Variants in CLVS1 observed in about 807,000 individuals in gnomAD.
CLVS1 encodes the protein clavesin 1, also known as clavesin-1.
CLVS1 carries 10 observed loss-of-function variants against 33.1 expected under a neutral mutation model. The ratio of observed to expected loss-of-function variants is 0.30; its 90% CI spans 0.19 to 0.51. The LOEUF is 0.51. CLVS1 is among the 20% of genes least tolerant of loss of function. CLVS1 has a pLI of 0.97. For missense variants in CLVS1, 343 were observed against 433.4 expected, an observed-to-expected ratio of 0.79 and a Z score of 1.85; for synonymous variants, 163 against 166.1, an observed-to-expected ratio of 0.98 and a Z score of 0.14.
chr8:61,030,310 G>C, the CLVS1 span, among the ~76,000 whole-genome samples: 7 of 151,724 alleles, frequency 4.6e-5, no homozygotes, highest in Non-Finnish European at 5.9e-5. Flanking sequence ...GCAGCGGGGT[G>C]GGGGGGCGCA....
chr8:61,345,312 T>G (rs1812172422), intron 2 of CLVS1, among the ~76,000 whole-genome samples: 1 of 152,188 alleles, frequency 6.6e-6, no homozygotes, highest in Non-Finnish European at 1.5e-5. Flanking sequence ...TTATGAAAAC[T>G]CCTTATAAAA....
intron 2 of CLVS1, among the ~76,000 whole-genome samples, chr8:61,137,016 C>A (rs2129292269): frequency 6.6e-6 from 1 of 152,284 alleles, no homozygotes; most frequent in East Asian, 1.9e-4. Context: ...TCTTCAAGTA[C>A]AATGGGGTGT....
chr8:61,136,057 C>T (rs2129292056), intron 2 of CLVS1, among the ~76,000 whole-genome samples: 1 of 152,354 alleles, frequency 6.6e-6, no homozygotes, highest in East Asian at 1.9e-4. Context: ...TTTCTCCAGA[C>T]TTCCTGGATG....
intron 2 of CLVS1, among the ~76,000 whole-genome samples, chr8:61,189,164 C>G (rs1235241038): frequency 6.6e-6 from 1 of 152,166 alleles, no homozygotes; most frequent in African/African-American, 2.4e-5. Flanking sequence ...ATCAGACTAA[C>G]AGTGGATCAC....
chr8:61,039,365 T>C, the CLVS1 span, among the ~76,000 whole-genome samples: 1 of 152,212 alleles, frequency 6.6e-6, no homozygotes, highest in Non-Finnish European at 1.5e-5. Context: ...GCCCCGCAAT[T>C]TGAAACACAC....
chr8:61,191,209 G>A (rs1479239647), intron 2 of CLVS1, among the ~76,000 whole-genome samples: 1 of 152,232 alleles, frequency 6.6e-6, no homozygotes, highest in South Asian at 2.1e-4. Flanking sequence ...TGGGATGCAA[G>A]GCTGGTTCAA....
intron 3 of CLVS1, among the ~76,000 whole-genome samples, chr8:61,416,305 G>GATACATACATAC (rs61146034): frequency 9.3e-6 from 1 of 107,206 alleles, no homozygotes; most frequent in Non-Finnish European, 1.9e-5. Context: ...TAGCTAGCTA[G>GATACATACATAC]ATACATACAT....
chr8:61,345,538 C>T (rs1431787376), intron 2 of CLVS1, among the ~76,000 whole-genome samples: 1 of 152,014 alleles, frequency 6.6e-6, no homozygotes, highest in Non-Finnish European at 1.5e-5. Flanking sequence ...GAGAAAGAAA[C>T]TCCTAATTAC....
At chr8:61,161,438 A>T (rs1487559024) in intron 2 of CLVS1, among the ~76,000 whole-genome samples, 1 of 152,236 alleles carries the variant, frequency 6.6e-6, no homozygotes, top group African/African-American at 2.4e-5. Flanking sequence ...GGATGAATGT[A>T]TGAGGCAAAT....
At chr8:61,382,566 C>T (rs1296002690) in intron 3 of CLVS1, among the ~76,000 whole-genome samples, 3 of 152,150 alleles carry the variant, frequency 2.0e-5, no homozygotes, top group Non-Finnish European at 4.4e-5. Flanking sequence ...GATTTGCATG[C>T]ATATTAAAGT....
chr8:60,986,649 G>A, the CLVS1 span, among the ~76,000 whole-genome samples: 1 of 152,202 alleles, frequency 6.6e-6, no homozygotes, highest in African/African-American at 2.4e-5. Flanking sequence ...ACTACCTGAA[G>A]CGTTCCAAAT....
intron 2 of CLVS1, among the ~76,000 whole-genome samples, chr8:61,170,812 A>C (rs1256163385): frequency 1.3e-5 from 2 of 152,228 alleles, no homozygotes; most frequent in Non-Finnish European, 2.9e-5. Context: ...TAAAGAATAG[A>C]GTTCTTTCTA....
intron 1 of CLVS1, among the ~76,000 whole-genome samples, chr8:61,067,216 G>A (rs111625767): frequency 0.04 from 5,628 of 141,332 alleles, 107 homozygotes; most frequent in South Asian, 0.094. Context: ...ATATCTTTTT[G>A]TATTAATTAT....
At chr8:61,398,939 T>A (rs911311906) in intron 3 of CLVS1, among the ~76,000 whole-genome samples, 7 of 152,248 alleles carry the variant, frequency 4.6e-5, no homozygotes, top group African/African-American at 1.7e-4. Context: ...ATTTTCTTTA[T>A]CCAGTCTATC....
chr8:60,981,792 A>T, the CLVS1 span, among the ~76,000 whole-genome samples: 1 of 152,212 alleles, frequency 6.6e-6, no homozygotes, highest in Non-Finnish European at 1.5e-5. Context: ...GAGGCCGAGG[A>T]TGGCAAGACT....
intron 2 of CLVS1, among the ~76,000 whole-genome samples, chr8:61,149,571 A>AAAAAAAAAAAAAAAAAAAAC (rs1252529979): frequency 2.0e-5 from 3 of 149,862 alleles, no homozygotes; most frequent in African/African-American, 2.5e-5. Flanking sequence ...AAAAAAAACA[A>AAAAAAAAAAAAAAAAAAAAC]AAAACAAAAC....
At chr8:61,039,139 T>C in the CLVS1 span, among the ~76,000 whole-genome samples, 1 of 152,352 alleles carries the variant, frequency 6.6e-6, no homozygotes, top group African/African-American at 2.4e-5. Flanking sequence ...TTTTTATATG[T>C]GTTATATGCA....
chr8:61,487,162 A>G (rs998972519), intron 5 of CLVS1, among the ~76,000 whole-genome samples: 32 of 152,328 alleles, frequency 2.1e-4, no homozygotes, highest in African/African-American at 7.7e-4. Context: ...CTGAGGGCCC[A>G]GGGACCACAG....
In CLVS1 at chr8:61,288,127, G is replaced by A; in HGVS notation, c.-163G>A. 2 of 456,294 alleles carry A rather than the reference G, an allele frequency of 4.4e-6. No homozygotes were observed. Among genetic ancestry groups the A allele is most frequent in the Non-Finnish European group, 8.8e-6 (2 of 226,966 alleles). The allele number at this position is 456,294 out of a possible 1,614,324, so 28.3% of individuals were successfully genotyped here. ...ATACATTCCCAAAGCAAGGCTGGGC[G>A]GCCGTGTGAAGGTATTTGTTACCTT... On this transcript the variant is annotated 5_prime_UTR_variant, in exon 1 of 6. Transcript: ENST00000325897.
Sources: allele counts gnomAD v4.1 joint callset (sites outside exome capture counted in the v4.1 genomes callset), GRCh38; gene constraint gnomAD v4.1.1; transcripts MANE v1.5; gene names NCBI Gene and HGNC (gene_info 2026-07-23, HGNC 2026-07-21).